The following OXR1 variants were observed in gnomAD, a reference collection of about 807,000 sequenced individuals.
OXR1 encodes oxidation resistance 1.
A neutral mutation model predicts 104.6 loss-of-function variants in OXR1; 41 were observed. The ratio of observed to expected loss-of-function variants is 0.39; its 90% CI spans 0.31 to 0.51. The LOEUF (loss-of-function observed/expected upper bound fraction) is 0.51. Among genes scored for constraint, OXR1 ranks in the 20% least tolerant of loss-of-function variants. The pLI is 0.77. For synonymous variants in OXR1, 348 were observed against 348.4 expected (o/e 1.00, Z 0.01); for missense variants, 955 against 1,031.9 (o/e 0.93, Z 1.02).
intron 3 of OXR1, among the ~76,000 whole-genome samples, chr8:106,590,663 G>T (rs1371512995): frequency 6.6e-6 from 1 of 152,160 alleles, no homozygotes; most frequent in Non-Finnish European, 1.5e-5. Context: ...TCCTAATCAG[G>T]CATTCACTGA....
chr8:106,726,426 A>G lies in OXR1; in HGVS notation c.1957-11094A>G, dbSNP rs1033924513. 5.4e-5 allele frequency: 31 copies of G among 578,484 alleles called. No individual in the cohort carries two copies. The African/African-American group carries it at 6.1e-4, about 11-fold the overall frequency. The allele number at this position is 578,484 out of a possible 1,614,324, so 35.8% of individuals were successfully genotyped here. Reference sequence around the variant, plus strand: ...ATAGAGGATATTTATAGAATACAAAATTTTATGATTGTACAAAGTACCTTG... The same window carrying G: ...ATAGAGGATATTTATAGAATACAAAGTTTTATGATTGTACAAAGTACCTTG... On this transcript the variant is annotated intron_variant, in intron 11 of 16. Transcript: ENST00000517566.
chr8:106,325,181 T>C (rs1037674919), intron 1 of OXR1, among the ~76,000 whole-genome samples: 12 of 152,210 alleles, frequency 7.9e-5, no homozygotes, highest in Admixed American at 6.5e-4. Context: ...AATAGAACAA[T>C]GAATTGCTTG....
chr8:106,302,298 A>G (rs565966756), intron 1 of OXR1, among the ~76,000 whole-genome samples: 124 of 152,222 alleles, frequency 8.1e-4, no homozygotes, highest in Non-Finnish European at 6.9e-4. Context: ...AAAATCAATA[A>G]TCAGCCGAGC....
chr8:106,726,270 A>G, intron 11 of OXR1: 1 of 1,526,322 alleles, frequency 6.6e-7, no homozygotes, highest in Admixed American at 2.0e-5. Flanking sequence ...ATGGGAAAAA[A>G]GGGAGAAGAC....
chr8:106,650,775 C>T (rs1469165230), intron 3 of OXR1, among the ~76,000 whole-genome samples: 7 of 152,144 alleles, frequency 4.6e-5, no homozygotes, highest in Non-Finnish European at 7.4e-5. Flanking sequence ...ACATACTTCA[C>T]ATTGTTTTCA....
intron 1 of OXR1, among the ~76,000 whole-genome samples, chr8:106,323,734 A>G (rs1047141014): frequency 6.6e-6 from 1 of 152,228 alleles, no homozygotes; most frequent in Non-Finnish European, 1.5e-5. Context: ...GAAGACATAC[A>G]TGTGGCCAAC....
chr8:106,446,387 A>T (rs1411873601), intron 2 of OXR1, among the ~76,000 whole-genome samples: 1 of 152,148 alleles, frequency 6.6e-6, no homozygotes, highest in Non-Finnish European at 1.5e-5. Flanking sequence ...TGGGAGGCTG[A>T]GGCGAGCAGA....
intron 1 of OXR1, among the ~76,000 whole-genome samples, chr8:106,336,041 A>AGCCAAGAT (rs1230608566): frequency 6.6e-6 from 1 of 152,224 alleles, no homozygotes; most frequent in Non-Finnish European, 1.5e-5. Context: ...GGTTGCGGTG[A>AGCCAAGAT]GCCAAGATCA....
intron 3 of OXR1, among the ~76,000 whole-genome samples, chr8:106,571,542 C>T (rs923398553): frequency 1.3e-5 from 2 of 152,190 alleles, no homozygotes; most frequent in African/African-American, 4.8e-5. Flanking sequence ...ATTCACTCCA[C>T]AGCATTCCTC....
intron 3 of OXR1, among the ~76,000 whole-genome samples, chr8:106,546,036 T>G (rs1237679826): frequency 9.2e-5 from 14 of 151,860 alleles, no homozygotes; most frequent in Non-Finnish European, 1.5e-5. Context: ...AATTGGTTAA[T>G]CATTTGGAAT....
At chr8:106,720,656 A>G in intron 11 of OXR1, 2 of 831,462 alleles carry the variant, frequency 2.4e-6, no homozygotes, top group Non-Finnish European at 2.9e-6. Flanking sequence ...TGATGTTGTC[A>G]TAGCTCCCTT....
In OXR1 at chr8:106,737,844, T is replaced by A. The variant is rs79863261; in HGVS notation, c.2037+244T>A. 4.5e-3 allele frequency among the ~76,000 whole-genome samples: 690 copies of A among 152,312 alleles called. 6 individuals carry two copies. The highest frequency in any genetic ancestry group is 0.016 in the African/African-American group (655 of 41,570). ...CTTCAGAATTATTCTCAGTATTGTG[T>A]GTTTCTTTCAGCGATGAGGAGTTTT... On this transcript the variant is annotated intron_variant, in intron 12 of 16. Transcript: ENST00000517566.
chr8:106,461,150 C>T (rs903670748), intron 2 of OXR1, among the ~76,000 whole-genome samples: 44 of 152,074 alleles, frequency 2.9e-4, no homozygotes, highest in African/African-American at 8.7e-4. Flanking sequence ...TTTGAGATTA[C>T]GGGAATGGAT....
chr8:106,527,171 TGTAA>T (rs1295862227), intron 3 of OXR1, among the ~76,000 whole-genome samples: 21 of 152,076 alleles, frequency 1.4e-4, no homozygotes, highest in African/African-American at 5.1e-4. Flanking sequence ...TGTGGTGAGG[TGTAA>T]GTGAGGTAAT....
chr8:106,605,514 G>T (rs754729102), intron 3 of OXR1, among the ~76,000 whole-genome samples: 1 of 151,946 alleles, frequency 6.6e-6, no homozygotes, highest in Non-Finnish European at 1.5e-5. Context: ...TCAAATCTGG[G>T]CCTAGCATGG....
intron 2 of OXR1, among the ~76,000 whole-genome samples, chr8:106,511,171 T>G (rs1812499526): frequency 6.6e-6 from 1 of 152,202 alleles, no homozygotes; most frequent in Admixed American, 6.5e-5. Flanking sequence ...GTTTTGCTGA[T>G]TTTATGGTTT....
chr8:106,445,034 T>C (rs528961320), intron 2 of OXR1, among the ~76,000 whole-genome samples: 2 of 152,136 alleles, frequency 1.3e-5, no homozygotes, highest in African/African-American at 4.8e-5. Context: ...CTTCTTCTAG[T>C]GTTTCTAAAT....
At chr8:106,352,793 C>T (rs74955918) in intron 1 of OXR1, among the ~76,000 whole-genome samples, 4,997 of 151,926 alleles carry the variant, frequency 0.033, 121 homozygotes, top group Non-Finnish European at 0.051. Flanking sequence ...AGATAGATAT[C>T]GAAGTAGATA....
intron 3 of OXR1, among the ~76,000 whole-genome samples, chr8:106,557,926 C>G (rs924880142): frequency 2.0e-5 from 3 of 152,170 alleles, no homozygotes; most frequent in Non-Finnish European, 4.4e-5. Flanking sequence ...TTAAACATAA[C>G]TCAGAAACTG....
Sources: gnomAD v4.1 joint callset for allele counts (sites outside exome capture counted in the v4.1 genomes callset) on GRCh38, gnomAD v4.1.1 for gene constraint, MANE v1.5 for transcripts, NCBI Gene and HGNC (gene_info 2026-07-23, HGNC 2026-07-21) for gene names.